The following CTBP2 variants were observed in gnomAD, a reference collection of about 807,000 sequenced individuals.
The protein encoded by CTBP2 is C-terminal binding protein 2.
CTBP2 carries 30 observed loss-of-function variants against 80.3 expected under a neutral mutation model. That is an observed-to-expected ratio of 0.37 (90% CI 0.28 to 0.51). CTBP2 has a LOEUF of 0.51. Ranked by LOEUF, CTBP2 falls within the 20% of genes least tolerant of loss-of-function variation. The probability of loss-of-function intolerance (pLI) is 0.93; values close to 1 mark genes in which losing one functional copy is unlikely to be tolerated. For synonymous variants in CTBP2, 594 were observed against 587.4 expected (o/e 1.01, Z -0.16); for missense variants, 1,212 against 1,375.3 (o/e 0.88, Z 1.88).
intron 2 of CTBP2, among the ~76,000 whole-genome samples, chr10:125,074,462 C>A (rs1845985601): frequency 1.3e-5 from 2 of 152,226 alleles, no homozygotes; most frequent in South Asian, 4.1e-4. Context: ...TCAAGCGATT[C>A]TCCTGCCTCA....
At chr10:125,055,454 T>C (rs557180812) in intron 2 of CTBP2, among the ~76,000 whole-genome samples, 55 of 152,284 alleles carry the variant, frequency 3.6e-4, no homozygotes, top group Non-Finnish European at 5.7e-4. Context: ...TCTGAGATTG[T>C]AGAGGTCACC....
At chr10:125,104,237 A>T (rs1024102687) in intron 2 of CTBP2, among the ~76,000 whole-genome samples, 1 of 152,192 alleles carries the variant, frequency 6.6e-6, no homozygotes, top group Non-Finnish European at 1.5e-5. Context: ...TGCGGGCGCC[A>T]TTGTTGTTCA....
chr10:125,100,574 TAAC>T (rs1415638790), intron 2 of CTBP2: 2 of 152,234 alleles, frequency 1.3e-5, no homozygotes, highest in African/African-American at 2.4e-5. Flanking sequence ...AAAGAAGGCG[TAAC>T]AACATTCTTA....
At chr10:125,068,355 T>C (rs77437046) in intron 2 of CTBP2, among the ~76,000 whole-genome samples, 3,157 of 152,368 alleles carry the variant, frequency 0.021, 92 homozygotes, top group African/African-American at 0.069. Flanking sequence ...CAGGGAGTTA[T>C]ATAAACCAAA....
intron 2 of CTBP2, among the ~76,000 whole-genome samples, chr10:125,104,407 C>T (rs1851131666): frequency 6.6e-6 from 1 of 152,220 alleles, no homozygotes; most frequent in Non-Finnish European, 1.5e-5. Context: ...GCTTCTGCAA[C>T]TTCCCCACAG....
intron 2 of CTBP2, among the ~76,000 whole-genome samples, chr10:125,106,407 C>T (rs905932437): frequency 3.9e-5 from 6 of 152,164 alleles, no homozygotes; most frequent in Non-Finnish European, 4.4e-5. Context: ...CAGCAAGGGA[C>T]GCGGGGCGAC....
chr10:125,081,245 C>T (rs575937989), intron 2 of CTBP2, among the ~76,000 whole-genome samples: 12 of 152,178 alleles, frequency 7.9e-5, no homozygotes, highest in Non-Finnish European at 1.3e-4. Context: ...GGACAAGAAA[C>T]GGTTCCAGAT....
intron 1 of CTBP2, among the ~76,000 whole-genome samples, chr10:125,012,536 C>T (rs1457540807): frequency 1.3e-5 from 2 of 152,200 alleles, no homozygotes; most frequent in African/African-American, 2.4e-5. Context: ...CTGGGGTTCT[C>T]ACTCCCCCAC....
In CTBP2 at chr10:124,987,822, T is replaced by G. The variant is rs1952094744; in HGVS notation, c.*1696A>C. 6.6e-6 allele frequency: 1 copy of G among 152,156 alleles called. No homozygotes were observed. Among genetic ancestry groups the G allele is most frequent in the Non-Finnish European group, 1.5e-5 (1 of 68,032 alleles). The allele number at this position is 152,156 out of a possible 1,614,324, so 9.4% of individuals were successfully genotyped here. ...CTCAGAGGGAGTTTCATACCTGGAA[T>G]TGTTGGACTTAATTGACACTTGCAA... is the stretch of plus-strand genomic sequence containing the variant. On this transcript the variant is annotated 3_prime_UTR_variant, in exon 9 of 9. Coordinates refer to ENST00000309035, the MANE Select transcript of CTBP2 (RefSeq NM_022802.3).
chr10:125,023,582 C>T (rs928921192), intron 1 of CTBP2, among the ~76,000 whole-genome samples: 11 of 152,276 alleles, frequency 7.2e-5, no homozygotes, highest in African/African-American at 1.4e-4. Context: ...GCCACTCACG[C>T]GGGCCTGGAG....
intron 7 of CTBP2, among the ~76,000 whole-genome samples, 157 bp from the exon 10 acceptor site, chr10:124,992,969 CCT>C (rs1471168455): frequency 5.9e-5 from 9 of 152,188 alleles, no homozygotes; most frequent in Admixed American, 3.3e-4. Flanking sequence ...TGACCTTCAG[CCT>C]CTGTGTGCCC....
At chr10:125,106,512 A>G (rs1265532254) in intron 2 of CTBP2, among the ~76,000 whole-genome samples, 1 of 152,184 alleles carries the variant, frequency 6.6e-6, no homozygotes, top group Non-Finnish European at 1.5e-5. Flanking sequence ...TTCTTCACTA[A>G]CAAAATGGGG....
At chr10:125,004,706 C>A (rs1245455723) in intron 1 of CTBP2, among the ~76,000 whole-genome samples, 2 of 152,160 alleles carry the variant, frequency 1.3e-5, no homozygotes, top group African/African-American at 4.8e-5. Context: ...GCCTTACATC[C>A]CCATCCCCTC....
chr10:125,072,634 G>GAAAAAAAAAAA (rs55742060), intron 2 of CTBP2, among the ~76,000 whole-genome samples: 41 of 100,144 alleles, frequency 4.1e-4, no homozygotes, highest in East Asian at 1.2e-3. Context: ...AAAAAGAAAA[G>GAAAAAAAAAAA]AAAAAAAAAA....
intron 6 of CTBP2, 125 bp from the exon 9 acceptor site, chr10:124,993,454 A>C (rs1262555750): frequency 4.7e-6 from 5 of 1,069,196 alleles, no homozygotes; most frequent in Non-Finnish European, 6.5e-6. Context: ...ATACAGGAAC[A>C]TCTGTGATGA....
intron 1 of CTBP2, among the ~76,000 whole-genome samples, chr10:125,112,163 A>G (rs1365391693): frequency 7.4e-6 from 1 of 134,974 alleles, no homozygotes; most frequent in Admixed American, 8.4e-5. Context: ...CCCAGGCTGG[A>G]GTGCAATGGC....
At chr10:125,057,719 A>G (rs1041447106) in intron 2 of CTBP2, among the ~76,000 whole-genome samples, 2 of 152,234 alleles carry the variant, frequency 1.3e-5, no homozygotes, top group Non-Finnish European at 2.9e-5. Flanking sequence ...AGCGTGGCTT[A>G]AAATAGGGCC....
At chr10:125,146,359 C>A (rs1858772863) in intron 1 of CTBP2, among the ~76,000 whole-genome samples, 1 of 151,912 alleles carries the variant, frequency 6.6e-6, no homozygotes, top group South Asian at 2.1e-4. Flanking sequence ...TGGCTTACTG[C>A]AACCTCTGTC....
intron 1 of CTBP2, among the ~76,000 whole-genome samples, chr10:125,125,734 T>A (rs1006822628): frequency 6.6e-6 from 1 of 152,202 alleles, no homozygotes; most frequent in African/African-American, 2.4e-5. Context: ...GTTTCCTAAC[T>A]GCTGTACCTC....
Sources: gnomAD v4.1 joint callset for allele counts (sites outside exome capture counted in the v4.1 genomes callset) on GRCh38, gnomAD v4.1.1 for gene constraint, MANE v1.5 for transcripts, NCBI Gene and HGNC (gene_info 2026-07-23, HGNC 2026-07-21) for gene names.